SS18: variants seen among roughly 807,000 people sequenced by gnomAD.
SS18 encodes the protein SS18 subunit of BAF chromatin remodeling complex, also known as protein SSXT.
A neutral mutation model predicts 72.5 loss-of-function variants in SS18; 28 were observed. The observed-to-expected ratio is 0.39, with a 90% CI of 0.29 to 0.53. The LOEUF (loss-of-function observed/expected upper bound fraction) is 0.53, where lower values mean the gene tolerates loss of function less well. Ranked by LOEUF, SS18 falls within the 20% of genes least tolerant of loss-of-function variation. SS18 has a pLI of 0.76. For synonymous variants in SS18, 172 were observed against 164.2 expected (o/e 1.05, Z -0.37); for missense variants, 518 against 535.3 (o/e 0.97, Z 0.32).
chr18:26,040,937 C>T (rs972614198), intron 5 of SS18, among the ~76,000 whole-genome samples: 7 of 152,160 alleles, frequency 4.6e-5, no homozygotes, highest in Non-Finnish European at 1.0e-4. Context: ...CATGGTTTCA[C>T]AGTCATTTCC....
Position 26,035,506 on chromosome 18 carries a change from A to G in SS18, c.973+325T>C. 3.5e-6 allele frequency: 1 copy of G among 287,060 alleles called. No individual in the cohort carries two copies. Among genetic ancestry groups the G allele is most frequent in the Non-Finnish European group, 6.5e-6 (1 of 153,452 alleles). The allele number at this position is 287,060 out of a possible 1,614,324, so 17.8% of individuals were successfully genotyped here. On this transcript the variant is annotated intron_variant, in intron 8 of 10. Coordinates refer to ENST00000415083, the MANE Select transcript of SS18 (RefSeq NM_001007559.3). The surrounding 1 kb of genome is among the most constrained non-coding windows in gnomAD (Gnocchi z 4.4). ...GCTGTTTCCTAAAGGCACTATACTT[A>G]TATGTAAAATTATACATATGTAAAC...
intron 3 of SS18, among the ~76,000 whole-genome samples, chr18:26,069,328 C>G (rs1157669500): frequency 6.6e-6 from 1 of 151,832 alleles, no homozygotes; most frequent in African/African-American, 2.4e-5. Flanking sequence ...TCAAATGAAG[C>G]TGACACCACA....
intron 3 of SS18, among the ~76,000 whole-genome samples, chr18:26,060,910 C>T (rs906920059): frequency 6.8e-6 from 1 of 147,660 alleles, no homozygotes; most frequent in Non-Finnish European, 1.5e-5. Context: ...GAGCTGAGAT[C>T]GCATCACTGC....
At chr18:26,048,760 C>T (rs192586587) in intron 5 of SS18, among the ~76,000 whole-genome samples, 4 of 152,322 alleles carry the variant, frequency 2.6e-5, no homozygotes, top group Admixed American at 2.0e-4. Context: ...TCATTTGCAA[C>T]TTAGCCACGT....
At chr18:26,027,212 A>T (rs970866971) in intron 10 of SS18, among the ~76,000 whole-genome samples, 3 of 152,246 alleles carry the variant, frequency 2.0e-5, no homozygotes, top group African/African-American at 7.2e-5. Context: ...TATAAAACTT[A>T]TAAAACTATA....
chr18:26,086,674 G>A (rs1404890159), intron 2 of SS18, among the ~76,000 whole-genome samples: 1 of 152,036 alleles, frequency 6.6e-6, no homozygotes, highest in Non-Finnish European at 1.5e-5. Context: ...TTCTATTAGG[G>A]CATATTATTT....
chr18:26,035,873 C>T lies in SS18; in HGVS notation c.931G>A (p.Asp311Asn), dbSNP rs1315615474. 8 of 1,602,478 alleles carry T rather than the reference C, an allele frequency of 5.0e-6. No homozygotes were observed. The highest frequency in any genetic ancestry group is 1.1e-5 in the South Asian group (1 of 89,316). ...TGTGAGGAATCCTCATAAGGCCTATCGTAGCCTTGTTCAGGATACGACGGT... is the reference window on the plus strand; with the variant it reads ...TGTGAGGAATCCTCATAAGGCCTATTGTAGCCTTGTTCAGGATACGACGGT... ...QQPSYPEQGY[D>N]RPYEDSSQHY... The change falls in exon 8 of 11, where the codon GAT (aspartate) becomes AAT (asparagine). Residue 311 changes from aspartate to asparagine, a missense_variant. Transcript: ENST00000415083. The surrounding 1 kb of genome is among the most constrained non-coding windows in gnomAD (Gnocchi z 4.4).
intron 1 of SS18, chr18:26,089,771 G>C (rs1171387494): frequency 1.3e-5 from 2 of 152,362 alleles, no homozygotes; most frequent in African/African-American, 4.8e-5. Context: ...AACTGGTCAC[G>C]ACAGTCTCCA....
At chr18:26,088,957 A>G (rs1444862510) in intron 1 of SS18, among the ~76,000 whole-genome samples, 16 of 152,216 alleles carry the variant, frequency 1.1e-4, no homozygotes, top group Non-Finnish European at 2.9e-5. Context: ...ATGACCAAAA[A>G]AAGTCCTTAA....
chr18:26,064,372 A>T (rs1041867072), intron 3 of SS18, among the ~76,000 whole-genome samples: 4 of 152,146 alleles, frequency 2.6e-5, no homozygotes, highest in Non-Finnish European at 4.4e-5. Flanking sequence ...ACAGACACAA[A>T]AATGTTAAAC....
Position 26,087,529 on chromosome 18 carries a change from T to C in SS18, c.118A>G (p.Asn40Asp), listed in dbSNP as rs368233951. 6.3e-7 allele frequency: 1 copy of C among 1,597,506 alleles called. No individual in the cohort carries two copies. Among genetic ancestry groups the C allele is most frequent in the Non-Finnish European group, 8.5e-7 (1 of 1,170,110 alleles). ...GAACACTCTGAGGTCTTTCCTTTAT[T>C]CTGAGAGTCCATTATACACTGAATA... is the stretch of plus-strand genomic sequence containing the variant. ...HLIQCIMDSQNKGKTSECSQY... is the reference protein window; with the variant it reads ...HLIQCIMDSQDKGKTSECSQY... The change falls in exon 2 of 11, where the codon AAT becomes GAT. Residue 40 changes from asparagine to aspartate, a missense_variant. Physicochemically the swap from Asn to Asp is conservative, Grantham distance 23. Transcript: ENST00000415083.
At chr18:26,053,806 T>C (rs1032238173) in intron 4 of SS18, among the ~76,000 whole-genome samples, 2 of 152,218 alleles carry the variant, frequency 1.3e-5, no homozygotes, top group Non-Finnish European at 2.9e-5. Context: ...GATCTAACTA[T>C]ATTGTGAAGA....
At chr18:26,076,113 T>A (rs2054406877) in intron 3 of SS18, among the ~76,000 whole-genome samples, 1 of 151,878 alleles carries the variant, frequency 6.6e-6, no homozygotes, top group African/African-American at 2.4e-5. Flanking sequence ...TTTGGAAAAC[T>A]CAATTTTGTA....
chr18:26,030,896 T>G (rs1553490), intron 10 of SS18, among the ~76,000 whole-genome samples: 29,085 of 151,904 alleles, frequency 0.19, 5,695 homozygotes, highest in African/African-American at 0.49. Context: ...GAACAAAATG[T>G]TTCAGAAATA....
chr18:26,070,299 G>A (rs568966994), intron 3 of SS18, among the ~76,000 whole-genome samples: 286 of 152,254 alleles, frequency 1.9e-3, no homozygotes, highest in Non-Finnish European at 3.6e-3. Context: ...ACACTAAATG[G>A]AGCCAGAGTA....
intron 2 of SS18, among the ~76,000 whole-genome samples, chr18:26,086,489 A>G (rs940114238): frequency 1.3e-5 from 2 of 152,236 alleles, no homozygotes; most frequent in African/African-American, 2.4e-5. Context: ...TTTGGAAATA[A>G]TAGGTTAAAT....
intron 10 of SS18, among the ~76,000 whole-genome samples, chr18:26,026,066 A>C (rs2053440197): frequency 6.6e-6 from 1 of 152,190 alleles, no homozygotes; most frequent in African/African-American, 2.4e-5. Flanking sequence ...CTAAATACAC[A>C]TCACTTTTCA....
At chr18:26,052,193 G>A (rs955578908) in intron 5 of SS18, among the ~76,000 whole-genome samples, 8 of 152,050 alleles carry the variant, frequency 5.3e-5, no homozygotes, top group African/African-American at 1.9e-4. Context: ...ACATTCTAAT[G>A]GCAAATTATT....
In SS18 at chr18:26,040,735, T is replaced by C. The variant is rs76590900; in HGVS notation, c.608-1279A>G. 6.8e-3 allele frequency among the ~76,000 whole-genome samples: 1,037 copies of C among 152,334 alleles called. 9 individuals carry two copies. Among genetic ancestry groups the C allele is most frequent in the African/African-American group, 0.024 (979 of 41,584 alleles). ...CAGAGATAACTGTTTTTCTCCTATT[T>C]GCCTTCCGTGCTTCTGTTTCTTTTT... On this transcript the variant is annotated intron_variant, in intron 5 of 10. Transcript: ENST00000415083.
Sources: allele counts gnomAD v4.1 joint callset (sites outside exome capture counted in the v4.1 genomes callset), GRCh38; gene constraint gnomAD v4.1.1; non-coding constraint Gnocchi (gnomAD v3.1); transcripts MANE v1.5; gene names NCBI Gene and HGNC (gene_info 2026-07-23, HGNC 2026-07-21).